The following PAX5 variants were observed in gnomAD, a reference collection of about 807,000 sequenced individuals.
PAX5 encodes paired box 5.
PAX5 carries 9 observed loss-of-function variants against 43.7 expected under a neutral mutation model. That is an observed-to-expected ratio of 0.21 (90% CI 0.12 to 0.36). The LOEUF is 0.36. Among genes scored for constraint, PAX5 ranks in the 10% least tolerant of loss-of-function variants. PAX5 has a pLI of 1.00. For missense variants in PAX5, 383 were observed against 532.7 expected (o/e 0.72, Z 2.77); for synonymous variants, 228 against 214.3 (o/e 1.06, Z -0.56).
At chr9:36,856,735 C>T (rs1823711594) in intron 8 of PAX5, among the ~76,000 whole-genome samples, 1 of 152,080 alleles carries the variant, frequency 6.6e-6, no homozygotes, top group Non-Finnish European at 1.5e-5. Flanking sequence ...GATGGGGTTT[C>T]ACCATGTTAG....
intron 1 of PAX5, among the ~76,000 whole-genome samples, chr9:37,028,155 C>A (rs1167986941): frequency 2.0e-5 from 3 of 152,192 alleles, no homozygotes; most frequent in Non-Finnish European, 2.9e-5. Flanking sequence ...AGACAAGGAG[C>A]GCAGTAGGGA....
chr9:36,943,450 C>G (rs1832224186), intron 6 of PAX5, among the ~76,000 whole-genome samples: 2 of 151,708 alleles, frequency 1.3e-5, no homozygotes, highest in Admixed American at 1.3e-4. Flanking sequence ...CAGATCTTCA[C>G]AGTACAATAA....
At chr9:36,901,022 A>G (rs1272375546) in intron 7 of PAX5, among the ~76,000 whole-genome samples, 1 of 151,474 alleles carries the variant, frequency 6.6e-6, no homozygotes, top group Non-Finnish European at 1.5e-5. Flanking sequence ...CCCCCTTTCC[A>G]CAGCCTGGGT....
At chr9:36,936,568 A>C (rs958970879) in intron 6 of PAX5, among the ~76,000 whole-genome samples, 2 of 152,130 alleles carry the variant, frequency 1.3e-5, no homozygotes, top group Non-Finnish European at 2.9e-5. Context: ...CAAAGGGAGG[A>C]TCCCCATCCT....
At chr9:36,913,928 T>C (rs4880034) in intron 7 of PAX5, among the ~76,000 whole-genome samples, 7,205 of 152,222 alleles carry the variant, frequency 0.047, 302 homozygotes, top group Admixed American at 0.096. Flanking sequence ...GCACATCCGC[T>C]AACACAGGTG....
chr9:36,969,739 CTGGGAGGCCGAGGTGGG>C (rs1488111686), intron 5 of PAX5, among the ~76,000 whole-genome samples: 4 of 152,154 alleles, frequency 2.6e-5, no homozygotes, highest in Non-Finnish European at 4.4e-5. Context: ...ATTCTGGCAC[CTGGGAGGCCGAGGTGGG>C]TGGACTGCCC....
At chr9:36,886,513 G>A (rs1826921687) in intron 7 of PAX5, among the ~76,000 whole-genome samples, 1 of 152,136 alleles carries the variant, frequency 6.6e-6, no homozygotes, top group Non-Finnish European at 1.5e-5. Flanking sequence ...TCCCTAACAT[G>A]TCTTAGGCAT....
At chr9:36,843,914 G>A (rs1822317739) in intron 9 of PAX5, among the ~76,000 whole-genome samples, 1 of 152,224 alleles carries the variant, frequency 6.6e-6, no homozygotes, top group Non-Finnish European at 1.5e-5. Context: ...CTGCAGGCTG[G>A]GTGCTGGCTG....
chr9:36,910,572 C>T (rs1475493216), intron 7 of PAX5, among the ~76,000 whole-genome samples: 1 of 152,168 alleles, frequency 6.6e-6, no homozygotes, highest in Non-Finnish European at 1.5e-5. Flanking sequence ...GGGGCACACG[C>T]CAGGCTAAGG....
chr9:37,001,545 G>A (rs1249405721), intron 5 of PAX5, among the ~76,000 whole-genome samples: 2 of 152,204 alleles, frequency 1.3e-5, no homozygotes, highest in African/African-American at 4.8e-5. Flanking sequence ...GGTTCCAAAA[G>A]CCGCAAATCT....
At chr9:36,893,269 C>A (rs929745881) in intron 7 of PAX5, among the ~76,000 whole-genome samples, 1 of 152,236 alleles carries the variant, frequency 6.6e-6, no homozygotes, top group East Asian at 1.9e-4. Flanking sequence ...ATGGCAGGAA[C>A]TTCTCGCGTT....
At chr9:36,923,060 C>T in intron 7 of PAX5, 1 of 359,006 alleles carries the variant, frequency 2.8e-6, no homozygotes, top group Non-Finnish European at 5.1e-6. Context: ...AACACTCAGC[C>T]CCACCCACGG....
intron 6 of PAX5, among the ~76,000 whole-genome samples, chr9:36,929,251 AAGGAAGGAAGGAAGG>A (rs1830924929): frequency 2.8e-5 from 1 of 35,900 alleles, no homozygotes; most frequent in Non-Finnish European, 6.3e-5. Context: ...GGAAGGAAGG[AAGGAAGGAAGGAAGG>A]AAGGAAGGAA....
chr9:36,863,830 G>A (rs1044028784), intron 8 of PAX5, among the ~76,000 whole-genome samples: 20 of 152,212 alleles, frequency 1.3e-4, no homozygotes, highest in Admixed American at 1.1e-3. Context: ...CACAGTAGGG[G>A]CCGGGCGCAG....
chr9:37,019,417 G>C (rs545490034), intron 2 of PAX5, among the ~76,000 whole-genome samples: 3 of 152,156 alleles, frequency 2.0e-5, no homozygotes, highest in Admixed American at 6.5e-5. Context: ...CTGGGCTGGA[G>C]GATGCGGAAT....
At chr9:37,022,571 T>C (rs772137488) in intron 1 of PAX5, among the ~76,000 whole-genome samples, 1 of 152,232 alleles carries the variant, frequency 6.6e-6, no homozygotes, top group Non-Finnish European at 1.5e-5. Context: ...CCAGGTATTA[T>C]GGTCCATCTG....
In PAX5 at chr9:36,900,516, T is replaced by C. The variant is rs1052743870; in HGVS notation, c.911-18411A>G. Among the ~76,000 whole-genome samples, 5 of 152,302 alleles carry C rather than the reference T, an allele frequency of 3.3e-5. No homozygotes were observed. In the South Asian group the frequency reaches 1.0e-3, roughly 32 times the overall value. On this transcript the variant is annotated intron_variant, in intron 7 of 9. Transcript: ENST00000358127. ...ATCCTTAGAAAATCCCTTTTCTGCT[T>C]AACAAGCCAGAGAGAATTCTGTTGT...
intron 7 of PAX5, among the ~76,000 whole-genome samples, chr9:36,915,249 G>A (rs373935403): frequency 2.0e-5 from 3 of 152,254 alleles, no homozygotes; most frequent in Admixed American, 6.5e-5. Flanking sequence ...ATTCCAGTAC[G>A]TGTAGCTCTA....
chr9:36,903,341 G>A (rs1828557881), intron 7 of PAX5, among the ~76,000 whole-genome samples: 1 of 152,214 alleles, frequency 6.6e-6, no homozygotes, highest in African/African-American at 2.4e-5. Context: ...ACCAACCTGG[G>A]CAACAGAGTG....
Sources: allele counts gnomAD v4.1 joint callset (sites outside exome capture counted in the v4.1 genomes callset), GRCh38; gene constraint gnomAD v4.1.1; transcripts MANE v1.5; gene names NCBI Gene and HGNC (gene_info 2026-07-23, HGNC 2026-07-21).